The following TEKT5 variants were observed in gnomAD, a reference collection of about 807,000 sequenced individuals.
TEKT5 encodes tektin 5.
A neutral mutation model predicts 48.7 loss-of-function variants in TEKT5; 52 were observed. The ratio of observed to expected loss-of-function variants is 1.07; its 90% CI spans 0.86 to 1.35. TEKT5 has a LOEUF of 1.35. Ranked by LOEUF, TEKT5 falls within the 40% of genes most tolerant of loss-of-function variation. The pLI is 0.00. For synonymous variants in TEKT5, 318 were observed against 267.6 expected (o/e 1.19, Z -1.84); for missense variants, 831 against 641.6 (o/e 1.30, Z -3.19).
chr16:10,691,930 A>G (rs1449591318), intron 1 of TEKT5, among the ~76,000 whole-genome samples: 1 of 147,162 alleles, frequency 6.8e-6, no homozygotes, highest in Admixed American at 6.9e-5. Context: ...CCTGGGCAAC[A>G]GAGCGAGAGT....
intron 5 of TEKT5, among the ~76,000 whole-genome samples, chr16:10,657,841 C>A (rs965079483): frequency 5.3e-5 from 8 of 151,240 alleles, no homozygotes; most frequent in Non-Finnish European, 1.2e-4. Flanking sequence ...ACCTCGTGAT[C>A]CGCCCGGCTC....
intron 6 of TEKT5, among the ~76,000 whole-genome samples, chr16:10,632,152 T>C (rs116393197): frequency 6.6e-6 from 1 of 152,336 alleles, no homozygotes; most frequent in African/African-American, 2.4e-5. Flanking sequence ...CTCTGTCCAA[T>C]AGAACTTTCT....
At chr16:10,646,885 G>A (rs1190667322) in intron 5 of TEKT5, among the ~76,000 whole-genome samples, 2 of 152,190 alleles carry the variant, frequency 1.3e-5, no homozygotes, top group African/African-American at 4.8e-5. Flanking sequence ...GAATGTGAGT[G>A]GCATATAAAC....
intron 4 of TEKT5, among the ~76,000 whole-genome samples, chr16:10,681,335 G>A (rs1408664327): frequency 2.0e-5 from 3 of 151,878 alleles, no homozygotes; most frequent in African/African-American, 7.3e-5. Context: ...CGTAGAGGCT[G>A]GGATTTGAAG....
rs150713933 is a variant in TEKT5 at position 10,675,106 on chromosome 16, G to A, written c.1086+853C>T. The stretch of plus-strand genomic sequence containing the variant: ...CTCCCAAAGTGCTGGGATTACAGGT[G>A]TGAGCCACTGTGCTTGGCCTTAAAA... On this transcript the variant is annotated intron_variant, in intron 5 of 6. Transcript: ENST00000283025. Among the ~76,000 whole-genome samples, 690 of 152,252 alleles carry A rather than the reference G, an allele frequency of 4.5e-3. 3 individuals carry two copies. Among genetic ancestry groups the A allele is most frequent in the African/African-American group, 0.016 (652 of 41,550 alleles).
chr16:10,648,435 A>T (rs1415514342), intron 5 of TEKT5, among the ~76,000 whole-genome samples: 1 of 152,006 alleles, frequency 6.6e-6, no homozygotes, highest in East Asian at 1.9e-4. Flanking sequence ...CTCCTGCCTC[A>T]GCCTCCTGAG....
At chr16:10,689,713 ATAT>A (rs1185660039) in intron 2 of TEKT5, among the ~76,000 whole-genome samples, 7 of 152,066 alleles carry the variant, frequency 4.6e-5, no homozygotes, top group African/African-American at 1.4e-4. Context: ...TGTTATTGGT[ATAT>A]TATTATCATG....
At chr16:10,658,487 CACAAGAAAAGA>C (rs2142283491) in intron 5 of TEKT5, among the ~76,000 whole-genome samples, 1 of 152,184 alleles carries the variant, frequency 6.6e-6, no homozygotes, top group East Asian at 1.9e-4. Flanking sequence ...AGCAGCCAAG[CACAAGAAAAGA>C]ACATACTGCA....
Position 10,627,805 on chromosome 16 carries a change from G to T in TEKT5, c.1242-6C>A, listed in dbSNP as rs754639051. ...TGAACACCTCGTTCACCAGCCTGGG[G>T]TGAGGGCAGAGGAGAAGGCACAGGT... On this transcript the variant is annotated splice_polypyrimidine_tract_variant and splice_region_variant and intron_variant, in intron 6 of 6. Coordinates refer to ENST00000283025, the MANE Select transcript of TEKT5 (RefSeq NM_144674.2). 1 of 1,613,772 alleles carries T rather than the reference G, an allele frequency of 6.2e-7. No individual in the cohort carries two copies. The highest frequency in any genetic ancestry group is 8.5e-7 in the Non-Finnish European group (1 of 1,179,762).
intron 5 of TEKT5, among the ~76,000 whole-genome samples, chr16:10,674,617 G>GAAAAAAAAAAAAAAAAA (rs57583870): frequency 1.3e-5 from 1 of 74,746 alleles, no homozygotes; most frequent in African/African-American, 5.9e-5. Context: ...GATCATCTCA[G>GAAAAAAAAAAAAAAAAA]AAAAAAAAAA....
At chr16:10,633,307 G>C (rs1897866747) in intron 6 of TEKT5, among the ~76,000 whole-genome samples, 1 of 152,136 alleles carries the variant, frequency 6.6e-6, no homozygotes, top group African/African-American at 2.4e-5. Flanking sequence ...GTTGCAGTGA[G>C]CCAAGATCGT....
At chr16:10,639,488 G>C (rs1897961163) in intron 5 of TEKT5, among the ~76,000 whole-genome samples, 1 of 152,084 alleles carries the variant, frequency 6.6e-6, no homozygotes. Context: ...ATAAGACCTT[G>C]GGCATCCATG....
At chr16:10,653,657 A>T (rs1055177675) in intron 5 of TEKT5, among the ~76,000 whole-genome samples, 12 of 152,214 alleles carry the variant, frequency 7.9e-5, no homozygotes, top group Non-Finnish European at 7.3e-5. Flanking sequence ...CTACGCTTGT[A>T]ATCCAAACAC....
At chr16:10,690,860 G>C in intron 1 of TEKT5, 1 of 867,928 alleles carries the variant, frequency 1.2e-6, no homozygotes, top group Non-Finnish European at 1.4e-6. Flanking sequence ...AGGTCTGGAT[G>C]TCAGGATGCA....
chr16:10,673,339 G>A (rs2142298456), intron 5 of TEKT5, among the ~76,000 whole-genome samples: 1 of 152,288 alleles, frequency 6.6e-6, no homozygotes, highest in Non-Finnish European at 1.5e-5. Context: ...ACTCATTTTT[G>A]TACAGATTGT....
chr16:10,681,837 C>T (rs1309964845), intron 4 of TEKT5, among the ~76,000 whole-genome samples, 156 bp downstream of exon 4: 1 of 152,130 alleles, frequency 6.6e-6, no homozygotes, highest in African/African-American at 2.4e-5. Flanking sequence ...GCTAACCCGA[C>T]TTGGATTCTG....
chr16:10,633,290 G>C (rs1897866391), intron 6 of TEKT5, among the ~76,000 whole-genome samples: 1 of 152,138 alleles, frequency 6.6e-6, no homozygotes, highest in African/African-American at 2.4e-5. Context: ...GAACCCGGGA[G>C]GTGGAGGTTG....
At chr16:10,674,920 T>G (rs1398224134) in intron 5 of TEKT5, among the ~76,000 whole-genome samples, 1 of 151,750 alleles carries the variant, frequency 6.6e-6, no homozygotes, top group Non-Finnish European at 1.5e-5. Flanking sequence ...CCTCCCAAGT[T>G]CAAGCGAGTT....
At chr16:10,640,420 C>A (rs952089586) in intron 5 of TEKT5, among the ~76,000 whole-genome samples, 1 of 152,124 alleles carries the variant, frequency 6.6e-6, no homozygotes. Context: ...CTGGTCTGTA[C>A]GTGACTTTTT....
Sources: gnomAD v4.1 joint callset for allele counts (sites outside exome capture counted in the v4.1 genomes callset) on GRCh38, gnomAD v4.1.1 for gene constraint, MANE v1.5 for transcripts, NCBI Gene and HGNC (gene_info 2026-07-23, HGNC 2026-07-21) for gene names.